NUP205: variants seen among roughly 807,000 people sequenced by gnomAD.
NUP205 encodes nuclear pore complex protein Nup205.
Under a neutral mutation model 253.8 loss-of-function variants are expected in NUP205, and 76 were observed. The observed-to-expected ratio is 0.30, with a 90% CI of 0.25 to 0.36. The LOEUF (loss-of-function observed/expected upper bound fraction) is 0.36, where lower values mean the gene tolerates loss of function less well. Among genes scored for constraint, NUP205 ranks in the 10% least tolerant of loss-of-function variants. The pLI is 1.00. For synonymous variants in NUP205, 832 were observed against 850.1 expected (o/e 0.98, Z 0.37); for missense variants, 2,162 against 2,425.5 (o/e 0.89, Z 2.28).
In NUP205 at chr7:135,634,486, G is replaced by A. The variant is rs111231470; in HGVS notation, c.5060-1095G>A. On this transcript the variant is annotated intron_variant, in intron 35 of 42. Transcript: ENST00000285968. The stretch of plus-strand genomic sequence containing the variant: ...AGGTGCAAAATCAAGGTTTCAAGGA[G>A]TTCAGATGGGAAAGGAGGGCATAAG... 3.4e-3 allele frequency among the ~76,000 whole-genome samples: 511 copies of A among 152,250 alleles called. 3 individuals are homozygous for A. Among genetic ancestry groups the A allele is most frequent in the South Asian group, 0.011 (54 of 4,826 alleles).
intron 3 of NUP205, among the ~76,000 whole-genome samples, chr7:135,575,747 G>A (rs946300748): frequency 6.6e-6 from 1 of 152,088 alleles, no homozygotes; most frequent in African/African-American, 2.4e-5. Flanking sequence ...GTGAGATCAC[G>A]CCACTGCACT....
At chr7:135,599,837 A>G (rs1169885897) in intron 15 of NUP205, among the ~76,000 whole-genome samples, 2 of 152,302 alleles carry the variant, frequency 1.3e-5, no homozygotes, top group Non-Finnish European at 1.5e-5. Flanking sequence ...CTATTTTAGG[A>G]CACTAGCTGC....
intron 1 of NUP205, 32 bp downstream of exon 1, chr7:135,558,004 C>T (rs749012065): frequency 1.1e-5 from 17 of 1,591,580 alleles, no homozygotes; most frequent in South Asian, 3.3e-5. Context: ...GACGATTGAG[C>T]TGAGCGATAA....
In NUP205 at chr7:135,638,106, G is replaced by A. The variant is rs780711895; in HGVS notation, c.5265+47G>A. 5.0e-6 allele frequency: 8 copies of A among 1,588,280 alleles called. No homozygotes were observed. The African/African-American group carries it at 6.8e-5, about 13-fold the overall frequency. On this transcript the variant is annotated intron_variant, in intron 37 of 42. Coordinates refer to ENST00000285968, the MANE Select transcript of NUP205 (RefSeq NM_015135.3). ...TAAGGTTTTTATGTTTTTGGAAAAT[G>A]TTGATAAAAATAACAGATGTGGACC...
chr7:135,558,999 A>G (rs1340357595), intron 1 of NUP205, among the ~76,000 whole-genome samples: 1 of 152,228 alleles, frequency 6.6e-6, no homozygotes, highest in Non-Finnish European at 1.5e-5. Flanking sequence ...AATGAAGGCT[A>G]TGTTTACTGA....
chr7:135,567,128 GTATATATATA>G (rs1163648935), intron 1 of NUP205, among the ~76,000 whole-genome samples: 2 of 7,224 alleles, frequency 2.8e-4, no homozygotes, highest in African/African-American at 9.8e-4. Flanking sequence ...GTCTATGTGT[GTATATATATA>G]TATATATATA....
At position 135,557,979 on chromosome 7, in the gene NUP205, G is replaced by A. The variant is rs1224515349; in HGVS notation, c.28+7G>A. On this transcript the variant is annotated splice_region_variant and intron_variant, in intron 1 of 42. Coordinates refer to ENST00000285968, the MANE Select transcript of NUP205 (RefSeq NM_015135.3). ...CCTTTGGCGGTAAATTCGGGTAAGT[G>A]TGGCCAGACAGAAAGACGATTGAGC... The A allele has an allele frequency of 1.2e-6, 2 of 1,611,858 alleles. No homozygotes were observed. The highest frequency in any genetic ancestry group is 8.5e-7 in the Non-Finnish European group (1 of 1,177,892).
chr7:135,596,606 T>C (rs1563121471), intron 13 of NUP205, among the ~76,000 whole-genome samples: 2 of 152,132 alleles, frequency 1.3e-5, no homozygotes, highest in African/African-American at 4.8e-5. Flanking sequence ...TATCGAGGTC[T>C]GGACAGAACA....
Position 135,648,423 on chromosome 7 carries a change from A to G in NUP205, c.5906A>G (p.Asn1969Ser), listed in dbSNP as rs553994333. 1.9e-6 allele frequency: 3 copies of G among 1,592,618 alleles called. No individual in the cohort carries two copies. Among genetic ancestry groups the G allele is most frequent in the Admixed American group, 1.8e-5 (1 of 54,174 alleles). Residue 1969 changes from asparagine (N) to serine (S), a missense_variant, in exon 43 of 43, where the codon AAC (asparagine) becomes AGC (serine). Transcript: ENST00000285968. ...CGCTAGCTTCAGGCTGATGCAATCAACGCTTTTGGAGAATCACTACAAAAG... is the reference window on the plus strand; with the variant it reads ...CGCTAGCTTCAGGCTGATGCAATCAGCGCTTTTGGAGAATCACTACAAAAG... ...DLDQLQADAI[N>S]AFGESLQKKL...
chr7:135,631,800 A>T (rs773257518), intron 35 of NUP205, among the ~76,000 whole-genome samples: 1 of 146,502 alleles, frequency 6.8e-6, no homozygotes, highest in African/African-American at 2.5e-5. Flanking sequence ...CCCAGGCTAG[A>T]GTGCAGTGGC....
chr7:135,573,579 G>T, intron 2 of NUP205, 75 bp from the exon 3 acceptor site: 1 of 1,037,450 alleles, frequency 9.6e-7, no homozygotes, highest in Non-Finnish European at 1.4e-6. Flanking sequence ...TCATGAATAA[G>T]CTTCTGTAGG....
At chr7:135,588,090 C>T in intron 10 of NUP205, 98 bp downstream of exon 10, 1 of 976,172 alleles carries the variant, frequency 1.0e-6, no homozygotes, top group Non-Finnish European at 1.5e-6. Flanking sequence ...GCTGTTAACA[C>T]AAATGATCAC....
At chr7:135,605,776 AATTTT>A (rs1189405119) in intron 19 of NUP205, among the ~76,000 whole-genome samples, 1 of 152,162 alleles carries the variant, frequency 6.6e-6, no homozygotes, top group Non-Finnish European at 1.5e-5. Context: ...AGAAGATGAA[AATTTT>A]ATTTTATGTT....
intron 31 of NUP205, among the ~76,000 whole-genome samples, 165 bp downstream of exon 31, chr7:135,623,090 C>A (rs1416637281): frequency 6.6e-6 from 1 of 152,072 alleles, no homozygotes; most frequent in African/African-American, 2.4e-5. Flanking sequence ...CTAGCCTGGG[C>A]AACATGGTGA....
At chr7:135,636,353 A>G (rs937002423) in intron 36 of NUP205, among the ~76,000 whole-genome samples, 6 of 152,104 alleles carry the variant, frequency 3.9e-5, no homozygotes, top group Admixed American at 2.6e-4. Flanking sequence ...AAATGCTACT[A>G]TTAGCATTTT....
intron 12 of NUP205, 22 bp downstream of exon 12, chr7:135,593,214 T>G: frequency 6.2e-7 from 1 of 1,601,770 alleles, no homozygotes; most frequent in Middle Eastern, 1.7e-4. Context: ...ATCCCCAGCA[T>G]AATTTTATTT....
chr7:135,600,892 T>A lies in NUP205; in HGVS notation c.2297T>A (p.Leu766Ter). The part of the protein sequence containing the change: ...AEKWEVAEVV[L>*]EVFYKLLRDY... The stretch of plus-strand genomic sequence containing the variant: ...TAGTGGGAAGTTGCTGAGGTGGTTT[T>A]GGAGGTGTTTTATAAATTGCTCAGA... Residue 766 changes from leucine to a stop codon, truncating the protein, a stop_gained, in exon 16 of 43, where the codon TTG becomes TAG. Coordinates refer to ENST00000285968, the MANE Select transcript of NUP205 (RefSeq NM_015135.3). LOFTEE classifies it high-confidence loss of function. The A allele has an allele frequency of 6.2e-7, 1 of 1,610,804 alleles. No individual in the cohort carries two copies. Among genetic ancestry groups the A allele is most frequent in the Non-Finnish European group, 8.5e-7 (1 of 1,177,556 alleles).
chr7:135,586,976 T>A (rs1271978131), intron 8 of NUP205, among the ~76,000 whole-genome samples: 18 of 152,224 alleles, frequency 1.2e-4, no homozygotes, highest in Admixed American at 1.2e-3. Flanking sequence ...CCTTACTGAT[T>A]TTCTGTGTAC....
chr7:135,622,695 C>A, intron 30 of NUP205, 82 bp from the exon 31 acceptor site: 3 of 1,218,108 alleles, frequency 2.5e-6, no homozygotes, highest in African/African-American at 1.5e-5. Context: ...TTCCTTAGCT[C>A]ATACCTAGCA....
Sources: gnomAD v4.1 joint callset for allele counts (sites outside exome capture counted in the v4.1 genomes callset) on GRCh38, gnomAD v4.1.1 for gene constraint, MANE v1.5 for transcripts, NCBI Gene and HGNC (gene_info 2026-07-23, HGNC 2026-07-21) for gene names.